The following SNW1 variants were observed in gnomAD, a reference collection of about 807,000 sequenced individuals.
SNW1 encodes the protein SNW domain-containing protein 1.
In SNW1, 9 loss-of-function variants were observed where a neutral mutation model predicts 75.6. That is an observed-to-expected ratio of 0.12 (90% CI 0.07 to 0.21). The LOEUF is 0.21. SNW1 is among the 10% of genes least tolerant of loss of function. The pLI is 1.00. For missense variants in SNW1, 409 were observed against 670.9 expected, an observed-to-expected ratio of 0.61 and a Z score of 4.31; for synonymous variants, 200 against 219.1, an observed-to-expected ratio of 0.91 and a Z score of 0.77.
chr14:77,738,588 CA>C, intron 5 of SNW1, 189 bp downstream of exon 5: 1 of 587,882 alleles, frequency 1.7e-6, no homozygotes, highest in Non-Finnish European at 3.0e-6. Flanking sequence ...AGAAAACAAA[CA>C]AAAACCAAAG....
chr14:77,732,560 T>C lies in SNW1; in HGVS notation c.816A>G (p.Gly272=), dbSNP rs752830877. The C allele has an allele frequency of 3.7e-6, 6 of 1,613,208 alleles. No homozygotes were observed. In the South Asian group the frequency reaches 6.6e-5, roughly 18 times the overall value. The change falls in exon 9 of 14, where the codon GGA becomes GGG. Residue 272 remains glycine (G), a synonymous_variant. Transcript: ENST00000261531. The part of the protein sequence containing the change: ...IPLDKRLAAD[G]RGLQTVHINE... The stretch of plus-strand genomic sequence containing the variant: ...TTATGTGTACTGTCTGTAGTCCTCT[T>C]CCATCAGCAGCCAGACGTTTGTCTA...
At chr14:77,747,723 C>T (rs1403083117) in intron 3 of SNW1, among the ~76,000 whole-genome samples, 1 of 147,068 alleles carries the variant, frequency 6.8e-6, no homozygotes, top group Non-Finnish European at 1.5e-5. Flanking sequence ...AGCCCCCGCC[C>T]CGGCAGCCGC....
chr14:77,734,211 A>G (rs1031582191), intron 8 of SNW1, among the ~76,000 whole-genome samples: 1 of 152,228 alleles, frequency 6.6e-6, no homozygotes, highest in Non-Finnish European at 1.5e-5. Flanking sequence ...TATTAGAGAT[A>G]TATAGCTTAA....
chr14:77,745,363 G>A (rs182236983), intron 3 of SNW1, among the ~76,000 whole-genome samples: 123 of 152,238 alleles, frequency 8.1e-4, no homozygotes, highest in African/African-American at 2.7e-3. Flanking sequence ...TCATATTATG[G>A]GAACTACAAG....
chr14:77,737,332 G>T (rs2080681130), intron 5 of SNW1, among the ~76,000 whole-genome samples: 1 of 152,076 alleles, frequency 6.6e-6, no homozygotes, highest in African/African-American at 2.4e-5. Context: ...AACATGGAAG[G>T]TGCCGTGTTC....
chr14:77,761,074 C>G (rs372784851), intron 1 of SNW1, 40 bp downstream of exon 1: 2 of 1,614,104 alleles, frequency 1.2e-6, no homozygotes, highest in Non-Finnish European at 1.7e-6. Flanking sequence ...ACTGGTACTC[C>G]CAGACCCTTC....
At chr14:77,723,397 T>G in intron 10 of SNW1, 120 bp from the exon 11 acceptor site, 2 of 724,072 alleles carry the variant, frequency 2.8e-6, no homozygotes, top group Non-Finnish European at 4.8e-6. Flanking sequence ...TCACCCAGGC[T>G]GGAGTGTAGT....
intron 1 of SNW1, among the ~76,000 whole-genome samples, chr14:77,756,197 T>G (rs1400537874): frequency 6.6e-6 from 1 of 152,118 alleles, no homozygotes; most frequent in East Asian, 1.9e-4. Flanking sequence ...CTCGGCTCAC[T>G]GAAACCTCTG....
intron 3 of SNW1, among the ~76,000 whole-genome samples, chr14:77,742,597 T>G (rs975985934): frequency 5.9e-5 from 9 of 152,172 alleles, no homozygotes; most frequent in Non-Finnish European, 1.2e-4. Flanking sequence ...AAGAAAACGC[T>G]AATCTAGCTT....
rs759186141 is a variant in SNW1 at position 77,751,395 on chromosome 14, G to A, written c.254C>T (p.Ala85Val). Residue 85 changes from alanine (A) to valine (V), a missense_variant, in exon 3 of 14, where the codon GCG (alanine) becomes GTG (valine). Coordinates refer to ENST00000261531, the MANE Select transcript of SNW1 (RefSeq NM_012245.3). ...TTCAGAATCCACCTGAATGGCCAGC[G>A]CATTCGACATTTTTTTCTTTCGTCC... is the stretch of plus-strand genomic sequence containing the variant. ...DMGRKKKMSN[A>V]LAIQVDSEGK... 5 of 1,613,538 alleles carry A rather than the reference G, an allele frequency of 3.1e-6. No individual in the cohort carries two copies. Among genetic ancestry groups the A allele is most frequent in the South Asian group, 2.2e-5 (2 of 90,974 alleles).
At chr14:77,758,391 T>G (rs2080859881) in intron 1 of SNW1, among the ~76,000 whole-genome samples, 1 of 151,986 alleles carries the variant, frequency 6.6e-6, no homozygotes, top group Non-Finnish European at 1.5e-5. Context: ...TCCAGATCTT[T>G]TCTTTTTTGA....
rs574663029 is a variant in SNW1 at position 77,734,732 on chromosome 14, G to A, written c.774+215C>T. ...CAGCCTAGTGACAGAGCGAGACTCC[G>A]TCTCAAAAAAAAAAAAGGAACTGAC... On this transcript the variant is annotated intron_variant, in intron 8 of 13. Transcript: ENST00000261531. Among the ~76,000 whole-genome samples the A allele has an allele frequency of 7.3e-5, 7 of 95,552 alleles. No homozygotes were observed. The East Asian group carries it at 9.7e-4, about 13-fold the overall frequency. 62.7% of individuals were successfully genotyped at this position (95,552 alleles called of 152,430 possible). A position where few individuals can be genotyped will look rare whatever the true frequency, so the allele number is the denominator to read the frequency against.
At chr14:77,761,045 G>T in intron 1 of SNW1, 69 bp downstream of exon 1, 2 of 1,614,232 alleles carry the variant, frequency 1.2e-6, no homozygotes, top group Non-Finnish European at 1.7e-6. Flanking sequence ...CGGAGGGTAT[G>T]GGAAGAGAAA....
At chr14:77,741,082 A>G (rs1462865088) in intron 3 of SNW1, among the ~76,000 whole-genome samples, 1 of 128,742 alleles carries the variant, frequency 7.8e-6, no homozygotes, top group African/African-American at 3.1e-5. Flanking sequence ...GAGCAACAAG[A>G]GTGAAACTGT....
chr14:77,745,320 G>A (rs190006958), intron 3 of SNW1, among the ~76,000 whole-genome samples: 180 of 152,270 alleles, frequency 1.2e-3, no homozygotes, highest in African/African-American at 3.9e-3. Flanking sequence ...CTAGGAAAAA[G>A]AATATCCATG....
intron 11 of SNW1, chr14:77,722,692 AAAG>A: frequency 2.8e-6 from 1 of 362,618 alleles, no homozygotes; most frequent in Non-Finnish European, 5.4e-6. Context: ...GAGCTAAGAC[AAAG>A]TAGTTAAGTA....
rs1025904595 is a variant in SNW1, at chr14:77,720,772, A to G, written c.1187T>C (p.Val396Ala). 10 of 1,613,658 alleles carry G rather than the reference A, an allele frequency of 6.2e-6. No individual in the cohort carries two copies. Among genetic ancestry groups the G allele is most frequent in the Non-Finnish European group, 8.5e-6 (10 of 1,179,934 alleles). Reference sequence around the variant, plus strand: ...TTCATTGGAAGTCCGAGGATTAGGAACACCGAGAGCAATAACTTCACTGAT... The same window carrying G: ...TTCATTGGAAGTCCGAGGATTAGGAGCACCGAGAGCAATAACTTCACTGAT... ...RDISEVIALG[V>A]PNPRTSNEVQ... The change falls in exon 12 of 14, where the codon GTT (valine) becomes GCT (alanine). Residue 396 changes from valine to alanine, a missense_variant. By Grantham distance (64) the Val-to-Ala change is moderately conservative. Coordinates refer to ENST00000261531, the MANE Select transcript of SNW1 (RefSeq NM_012245.3).
At chr14:77,756,132 T>C (rs1392899923) in intron 1 of SNW1, among the ~76,000 whole-genome samples, 2 of 152,282 alleles carry the variant, frequency 1.3e-5, no homozygotes, top group South Asian at 2.1e-4. Flanking sequence ...TACTCCTTTT[T>C]TTTTTTGAGA....
At chr14:77,733,926 T>C (rs574529576) in intron 8 of SNW1, 1 of 445,950 alleles carries the variant, frequency 2.2e-6, no homozygotes, top group Non-Finnish European at 4.5e-6. Context: ...CTCTCAAATG[T>C]TGACTTTTAG....
Sources: gnomAD v4.1 joint callset for allele counts (sites outside exome capture counted in the v4.1 genomes callset) on GRCh38, gnomAD v4.1.1 for gene constraint, MANE v1.5 for transcripts, NCBI Gene and HGNC (gene_info 2026-07-23, HGNC 2026-07-21) for gene names.